The following CCDC88C variants were observed in gnomAD, a reference collection of about 807,000 sequenced individuals.
The protein encoded by CCDC88C is coiled-coil and HOOK domain protein 88C.
A neutral mutation model predicts 198.8 loss-of-function variants in CCDC88C; 131 were observed. The ratio of observed to expected loss-of-function variants is 0.66; its 90% CI spans 0.57 to 0.76. The LOEUF (loss-of-function observed/expected upper bound fraction) is 0.76. Ranked by LOEUF, CCDC88C falls within the 30% of genes least tolerant of loss-of-function variation. The probability of loss-of-function intolerance (pLI) is 0.00; values close to 1 mark genes in which losing one functional copy is unlikely to be tolerated. For synonymous variants in CCDC88C, 1,166 were observed against 1,114.7 expected (o/e 1.05, Z -0.92); for missense variants, 2,553 against 2,631.6 (o/e 0.97, Z 0.65).
intron 4 of CCDC88C, among the ~76,000 whole-genome samples, chr14:91,357,205 TG>T (rs1894074701): frequency 6.6e-6 from 1 of 152,164 alleles, no homozygotes; most frequent in African/African-American, 2.4e-5. Flanking sequence ...TAAACGGAAA[TG>T]GGCGCAGCCA....
chr14:91,301,618 G>C (rs1891290160), intron 20 of CCDC88C, among the ~76,000 whole-genome samples: 2 of 152,230 alleles, frequency 1.3e-5, no homozygotes, highest in South Asian at 4.1e-4. Flanking sequence ...TTGGGAGGCT[G>C]AAGTAGGAGG....
intron 3 of CCDC88C, among the ~76,000 whole-genome samples, chr14:91,367,582 C>T (rs1329644462): frequency 6.6e-6 from 1 of 152,140 alleles, no homozygotes; most frequent in Non-Finnish European, 1.5e-5. Flanking sequence ...GCAGAGAACT[C>T]TCGGCCTGTC....
Position 91,272,631 on chromosome 14 carries a change from A to G in CCDC88C, c.6081T>C (p.Cys2027=), listed in dbSNP as rs1276747587. 1.2e-6 allele frequency: 2 copies of G among 1,606,562 alleles called. No homozygotes were observed. The highest frequency in any genetic ancestry group is 4.5e-5 in the East Asian group (2 of 44,648). ...DPQTVWYEYG[C]V is the part of the protein sequence containing the mutation. ...GAGCTCAACCACGAGACAGTCACAC[A>G]CAGCCGTACTCATACCACACGGTCT... The change falls in exon 30 of 30, where the codon TGT becomes TGC. Residue 2027 remains cysteine (C), a synonymous_variant. Transcript: ENST00000389857.
intron 28 of CCDC88C, 62 bp downstream of exon 28, chr14:91,279,176 G>A: frequency 7.2e-7 from 1 of 1,380,960 alleles, no homozygotes; most frequent in Non-Finnish European, 1.0e-6. Context: ...CTGATTATAG[G>A]CATGAGCCAC....
intron 23 of CCDC88C, 59 bp downstream of exon 23, chr14:91,294,114 A>G: frequency 1.3e-6 from 2 of 1,598,746 alleles, no homozygotes; most frequent in South Asian, 2.2e-5. Flanking sequence ...ACCTCCAGAG[A>G]CTGAGGATGT....
intron 10 of CCDC88C, among the ~76,000 whole-genome samples, chr14:91,334,305 G>A (rs915245362): frequency 2.6e-5 from 4 of 152,164 alleles, no homozygotes; most frequent in African/African-American, 9.7e-5. Flanking sequence ...GCAGTGGCAC[G>A]ATCTCGGCTC....
At chr14:91,298,775 G>A (rs1339699363) in intron 21 of CCDC88C, among the ~76,000 whole-genome samples, 1 of 152,106 alleles carries the variant, frequency 6.6e-6, no homozygotes, top group Non-Finnish European at 1.5e-5. Flanking sequence ...TTTGCCTGGG[G>A]AGCCAAGGTA....
intron 15 of CCDC88C, among the ~76,000 whole-genome samples, 173 bp from the exon 16 acceptor site, chr14:91,310,159 G>A (rs1412103286): frequency 2.0e-5 from 3 of 151,952 alleles, no homozygotes; most frequent in Non-Finnish European, 4.4e-5. Context: ...GCCAATGAAT[G>A]CACTTGTCCA....
chr14:91,331,115 T>TGGGGGGGGGGGGGGGGGGGGG (rs1298066343), intron 10 of CCDC88C, among the ~76,000 whole-genome samples: 4 of 33,238 alleles, frequency 1.2e-4, no homozygotes, highest in South Asian at 2.5e-3. Context: ...GGGGCGGGGG[T>TGGGGGGGGGGGGGGGGGGGGG]GGGGGGAGCG....
At chr14:91,387,709 G>A (rs529844042) in intron 3 of CCDC88C, among the ~76,000 whole-genome samples, 1 of 152,324 alleles carries the variant, frequency 6.6e-6, no homozygotes, top group African/African-American at 2.4e-5. Flanking sequence ...GCAGCCACAG[G>A]AAGATTCCTG....
chr14:91,396,220 G>C (rs1306886157), intron 3 of CCDC88C, among the ~76,000 whole-genome samples: 1 of 152,210 alleles, frequency 6.6e-6, no homozygotes, highest in Non-Finnish European at 1.5e-5. Flanking sequence ...GGCAGAGCCT[G>C]CCTGGGCAAG....
chr14:91,301,747 C>T (rs1891297952), intron 20 of CCDC88C, among the ~76,000 whole-genome samples: 3 of 152,202 alleles, frequency 2.0e-5, no homozygotes, highest in South Asian at 4.1e-4. Flanking sequence ...GAATACAATA[C>T]AGCATTATTT....
At chr14:91,320,787 G>T (rs1304681290) in intron 13 of CCDC88C, among the ~76,000 whole-genome samples, 1 of 152,206 alleles carries the variant, frequency 6.6e-6, no homozygotes. Context: ...CAGTGGCGTG[G>T]AAGAGAACGA....
intron 3 of CCDC88C, among the ~76,000 whole-genome samples, chr14:91,367,585 G>A (rs568327557): frequency 2.4e-4 from 36 of 152,178 alleles, no homozygotes; most frequent in African/African-American, 7.7e-4. Context: ...GAGAACTCTC[G>A]GCCTGTCTGG....
rs1290944676 is a variant in CCDC88C at position 91,363,587 on chromosome 14, TA to T, written c.271-3877del. On this transcript the variant is annotated intron_variant, in intron 3 of 29. Coordinates refer to ENST00000389857, the MANE Select transcript of CCDC88C (RefSeq NM_001080414.4). ...AATATGCGAGATTAAGAAAAAATAATAAAAAAAAATTTTTAAGAAAGAAAAA... is the reference window on the plus strand; with the variant it reads ...AATATGCGAGATTAAGAAAAAATAATAAAAAAAATTTTTAAGAAAGAAAAA... 6.6e-5 allele frequency among the ~76,000 whole-genome samples: 10 copies of T among 152,036 alleles called. No individual in the cohort carries two copies. In the South Asian group the frequency reaches 1.2e-3, roughly 19 times the overall value.
At chr14:91,359,869 C>A (rs1369707133) in intron 3 of CCDC88C, among the ~76,000 whole-genome samples, 158 bp from the exon 4 acceptor site, 3 of 152,168 alleles carry the variant, frequency 2.0e-5, no homozygotes, top group Admixed American at 2.0e-4. Flanking sequence ...ACGTAAGATG[C>A]AAACAAACAC....
At position 91,273,211 on chromosome 14, in the gene CCDC88C, G is replaced by C. The variant is rs868583429; in HGVS notation, c.5501C>G (p.Ala1834Gly). Reference sequence around the variant, plus strand: ...GCTGCCTGTCTCTCTGCCCCCTAAGGCCTCAGGAGCCCCCAGCTTCTGAGG... The same window carrying C: ...GCTGCCTGTCTCTCTGCCCCCTAAGCCCTCAGGAGCCCCCAGCTTCTGAGG... ...ESPQKLGAPE[A>G]LGGRETGSHT... Residue 1834 changes from alanine (A) to glycine (G), a missense_variant, in exon 30 of 30, where the codon GCC (alanine) becomes GGC (glycine). Physicochemically the swap from Ala to Gly is moderately conservative, Grantham distance 60. Around this residue, in one of 2 missense-constraint regions of CCDC88C, gnomAD observed 1,293 missense variants for 1,219.6 expected, o/e 1.06. Coordinates refer to ENST00000389857, the MANE Select transcript of CCDC88C (RefSeq NM_001080414.4). The surrounding 1 kb of genome is among the most constrained non-coding windows in gnomAD (Gnocchi z 5.6). 6.4e-7 allele frequency: 1 copy of C among 1,566,116 alleles called. No homozygotes were observed. The highest frequency in any genetic ancestry group is 1.2e-5 in the South Asian group (1 of 85,366).
At chr14:91,278,889 C>CTT (rs10671669) in intron 28 of CCDC88C, among the ~76,000 whole-genome samples, 11,457 of 54,352 alleles carry the variant, frequency 0.21, 4,490 homozygotes, top group African/African-American at 0.39. Context: ...ACCAAATACA[C>CTT]TTTTTTTTTT....
intron 23 of CCDC88C, 26 bp downstream of exon 23, chr14:91,294,147 G>A: frequency 6.2e-7 from 1 of 1,612,428 alleles, no homozygotes; most frequent in Non-Finnish European, 8.5e-7. Context: ...AGGGTGCGGA[G>A]AGGGGTTCAG....
Sources: allele counts gnomAD v4.1 joint callset (sites outside exome capture counted in the v4.1 genomes callset), GRCh38; gene constraint gnomAD v4.1.1; regional missense constraint gnomAD v4.1.1; non-coding constraint Gnocchi (gnomAD v3.1); transcripts MANE v1.5; gene names NCBI Gene and HGNC (gene_info 2026-07-23, HGNC 2026-07-21).